The following LRRC8D variants were observed in gnomAD, a reference collection of about 807,000 sequenced individuals.
LRRC8D encodes the protein leucine rich repeat containing 8 VRAC subunit D, also known as volume-regulated anion channel subunit LRRC8D.
Under a neutral mutation model 55.8 loss-of-function variants are expected in LRRC8D, and 20 were observed. The ratio of observed to expected loss-of-function variants is 0.36; its 90% CI spans 0.25 to 0.52. LRRC8D has a LOEUF of 0.52. LRRC8D is among the 20% of genes least tolerant of loss of function. The pLI, the probability that LRRC8D is intolerant of heterozygous loss-of-function variation, is 0.93. For missense variants in LRRC8D, 651 were observed against 1,030.8 expected (o/e 0.63, Z 5.05); for synonymous variants, 352 against 377.0 (o/e 0.93, Z 0.77).
intron 2 of LRRC8D, among the ~76,000 whole-genome samples, chr1:89,920,707 A>C (rs1217033799): frequency 6.6e-6 from 1 of 151,880 alleles, no homozygotes. Context: ...GAAAAAAAAA[A>C]AAAAAAAAAC....
intron 2 of LRRC8D, among the ~76,000 whole-genome samples, chr1:89,919,905 G>A (rs1272953689): frequency 1.3e-5 from 2 of 152,156 alleles, no homozygotes; most frequent in African/African-American, 4.8e-5. Context: ...GGTACACTAA[G>A]TGGGGTCTAT....
chr1:89,865,867 G>A (rs1570836505), intron 2 of LRRC8D, among the ~76,000 whole-genome samples: 1 of 152,164 alleles, frequency 6.6e-6, no homozygotes, highest in Non-Finnish European at 1.5e-5. Context: ...GTAAATTTTA[G>A]TTCTTAGAGA....
chr1:89,834,655 G>A (rs1660964244), intron 1 of LRRC8D, among the ~76,000 whole-genome samples: 1 of 152,232 alleles, frequency 6.6e-6, no homozygotes, highest in Non-Finnish European at 1.5e-5. Context: ...TCTTGTGAGA[G>A]CTACATTTTT....
In LRRC8D at chr1:89,861,584, A is replaced by G. The variant is rs145909527; in HGVS notation, c.-3+17802A>G. Among the ~76,000 whole-genome samples the G allele has an allele frequency of 5.8e-3, 876 of 152,312 alleles. 5 individuals carry two copies. The highest frequency in any genetic ancestry group is 0.021 in the African/African-American group (855 of 41,560). ...TTGGTAGCATCACTGTCCATGTCACATATCTGGACAAGTCAGCGAAGAGGT... is the reference window on the plus strand; with the variant it reads ...TTGGTAGCATCACTGTCCATGTCACGTATCTGGACAAGTCAGCGAAGAGGT... On this transcript the variant is annotated intron_variant, in intron 2 of 2. Transcript: ENST00000337338.
chr1:89,915,158 A>G (rs571517118), intron 2 of LRRC8D, among the ~76,000 whole-genome samples: 1 of 152,168 alleles, frequency 6.6e-6, no homozygotes, highest in Non-Finnish European at 1.5e-5. Flanking sequence ...CAGATTTGGT[A>G]AAGTCTATGA....
At chr1:89,841,239 G>A (rs188536087) in intron 1 of LRRC8D, among the ~76,000 whole-genome samples, 2 of 152,198 alleles carry the variant, frequency 1.3e-5, no homozygotes, top group Non-Finnish European at 2.9e-5. Flanking sequence ...GGACAGGAAT[G>A]CATCTCACTG....
At chr1:89,896,639 A>G (rs935263900) in intron 2 of LRRC8D, among the ~76,000 whole-genome samples, 4 of 152,186 alleles carry the variant, frequency 2.6e-5, no homozygotes, top group African/African-American at 9.7e-5. Flanking sequence ...CCCAGCACAG[A>G]GGTCAGGACT....
At chr1:89,891,382 G>A (rs1662575951) in intron 2 of LRRC8D, among the ~76,000 whole-genome samples, 1 of 152,184 alleles carries the variant, frequency 6.6e-6, no homozygotes, top group Non-Finnish European at 1.5e-5. Context: ...TTTTATTACT[G>A]GTGGTGATAA....
intron 2 of LRRC8D, among the ~76,000 whole-genome samples, chr1:89,893,185 G>A (rs1305207616): frequency 6.6e-6 from 1 of 152,158 alleles, no homozygotes; most frequent in African/African-American, 2.4e-5. Flanking sequence ...TCAATGAAGA[G>A]GTGCCAGCTG....
intron 1 of LRRC8D, among the ~76,000 whole-genome samples, chr1:89,829,580 A>T (rs1300008003): frequency 2.0e-5 from 3 of 152,158 alleles, no homozygotes; most frequent in Non-Finnish European, 4.4e-5. Context: ...ATTTTATAAT[A>T]CCTAGTAGTA....
intron 2 of LRRC8D, among the ~76,000 whole-genome samples, chr1:89,894,064 G>T (rs536938553): frequency 2.0e-5 from 3 of 152,320 alleles, no homozygotes; most frequent in African/African-American, 7.2e-5. Flanking sequence ...AAAGTAATTA[G>T]GGCATGAGGG....
chr1:89,923,967 A>G (rs1424131189), intron 2 of LRRC8D, among the ~76,000 whole-genome samples: 1 of 152,240 alleles, frequency 6.6e-6, no homozygotes, highest in African/African-American at 2.4e-5. Flanking sequence ...GACCTAAAAC[A>G]ATAAAAACTC....
intron 2 of LRRC8D, among the ~76,000 whole-genome samples, chr1:89,885,707 G>A (rs533859358): frequency 6.6e-5 from 10 of 152,244 alleles, no homozygotes; most frequent in East Asian, 1.9e-4. Flanking sequence ...CTTCCTTAAC[G>A]TTGTTTTCTT....
chr1:89,923,869 T>G (rs1364409089), intron 2 of LRRC8D, among the ~76,000 whole-genome samples: 1 of 152,194 alleles, frequency 6.6e-6, no homozygotes. Context: ...AATAACTGGC[T>G]AGCCTTATGC....
intron 2 of LRRC8D, among the ~76,000 whole-genome samples, chr1:89,872,377 G>A (rs1301874397): frequency 6.6e-6 from 1 of 152,198 alleles, no homozygotes; most frequent in Non-Finnish European, 1.5e-5. Flanking sequence ...CAGTGGGGTG[G>A]AAAGCAAAGG....
rs189080163 is a variant in LRRC8D at position 89,849,263 on chromosome 1, A to C, written c.-3+5481A>C. On this transcript the variant is annotated intron_variant, in intron 2 of 2. Coordinates refer to ENST00000337338, the MANE Select transcript of LRRC8D (RefSeq NM_001134479.2). ...GTACAAATAGGGACATGAAAGGGTC[A>C]ACATTTTTATGAATATTTTTGGCTT... Among the ~76,000 whole-genome samples, 3 of 152,374 alleles carry C rather than the reference A, an allele frequency of 2.0e-5. No homozygotes were observed. In the East Asian group the frequency reaches 5.8e-4, roughly 29 times the overall value.
intron 2 of LRRC8D, chr1:89,929,978 TGCTCATGTGAGGGATCTAG>T (rs1182610952): frequency 6.6e-6 from 1 of 152,234 alleles, no homozygotes; most frequent in African/African-American, 2.4e-5. Context: ...TATCATGAAC[TGCTCATGTGAGGGATCTAG>T]GTTGTGCACA....
In LRRC8D at chr1:89,848,762, C is replaced by T. The variant is rs182962010; in HGVS notation, c.-3+4980C>T. Among the ~76,000 whole-genome samples the T allele has an allele frequency of 8.6e-5, 13 of 151,822 alleles. 1 individual carries two copies. The highest frequency in any genetic ancestry group is 2.1e-4 in the South Asian group (1 of 4,804). ...TCACCCAGGCTGGAGTGCAGTGGCG[C>T]GATCTCGGCTCACTGCAAGCTCTGC... On this transcript the variant is annotated intron_variant, in intron 2 of 2. Coordinates refer to ENST00000337338, the MANE Select transcript of LRRC8D (RefSeq NM_001134479.2).
At chr1:89,863,846 A>C (rs1661778938) in intron 2 of LRRC8D, among the ~76,000 whole-genome samples, 1 of 152,118 alleles carries the variant, frequency 6.6e-6, no homozygotes, top group Non-Finnish European at 1.5e-5. Flanking sequence ...TTCATGAGGG[A>C]GTGGGTCATG....
Sources: allele counts gnomAD v4.1 joint callset (sites outside exome capture counted in the v4.1 genomes callset), GRCh38; gene constraint gnomAD v4.1.1; transcripts MANE v1.5; gene names NCBI Gene and HGNC (gene_info 2026-07-23, HGNC 2026-07-21).